ITPK1: variants seen among roughly 807,000 people sequenced by gnomAD.
ITPK1 encodes the protein inositol 1,3,4-trisphosphate 5/6-kinase.
ITPK1 carries 21 observed loss-of-function variants against 45.3 expected under a neutral mutation model. The observed-to-expected ratio is 0.46, with a 90% CI of 0.33 to 0.67. ITPK1 has a LOEUF of 0.67. ITPK1 is among the 30% of genes least tolerant of loss of function. The probability of loss-of-function intolerance (pLI) is 0.02; values close to 1 mark genes in which losing one functional copy is unlikely to be tolerated. For missense variants in ITPK1, 474 were observed against 573.5 expected, an observed-to-expected ratio of 0.83 and a Z score of 1.77; for synonymous variants, 258 against 253.6, an observed-to-expected ratio of 1.02 and a Z score of -0.16.
intron 3 of ITPK1, among the ~76,000 whole-genome samples, chr14:93,059,740 G>A (rs1482826856): frequency 9.6e-5 from 6 of 62,460 alleles, no homozygotes; most frequent in Non-Finnish European, 2.0e-4. Flanking sequence ...GGCAGGGGTG[G>A]AGGGGGTGCG....
Position 92,989,006 on chromosome 14 carries a change from C to T in ITPK1, c.364+4874G>A, listed in dbSNP as rs1025810849. Among the ~76,000 whole-genome samples, 32 of 152,058 alleles carry T rather than the reference C, an allele frequency of 2.1e-4. 1 individual carries two copies. Among genetic ancestry groups the T allele is most frequent in the African/African-American group, 7.7e-4 (32 of 41,412 alleles). On this transcript the variant is annotated intron_variant, in intron 5 of 10. Transcript: ENST00000267615. Reference sequence around the variant, plus strand: ...GTCTGAGGCCTTGACTCCAAGTCCCCACCCCTCTGCAGCTCCCCGAGGGTT... The same window carrying T: ...GTCTGAGGCCTTGACTCCAAGTCCCTACCCCTCTGCAGCTCCCCGAGGGTT...
intron 5 of ITPK1, among the ~76,000 whole-genome samples, chr14:92,973,321 G>T (rs1188117483): frequency 6.6e-6 from 1 of 152,238 alleles, no homozygotes; most frequent in African/African-American, 2.4e-5. Flanking sequence ...TAAGTGAGCC[G>T]TAAGCACTGG....
At chr14:93,024,250 CA>C (rs1372608253) in intron 3 of ITPK1, among the ~76,000 whole-genome samples, 2 of 152,192 alleles carry the variant, frequency 1.3e-5, no homozygotes, top group Non-Finnish European at 2.9e-5. Flanking sequence ...CATGGCTGGC[CA>C]GTGCTCTTCT....
At chr14:93,112,508 C>T (rs889974795) in intron 2 of ITPK1, among the ~76,000 whole-genome samples, 4 of 147,984 alleles carry the variant, frequency 2.7e-5, no homozygotes, top group Non-Finnish European at 4.4e-5. Context: ...GGCACCATCT[C>T]GACTTACTGC....
intron 3 of ITPK1, chr14:93,066,292 G>A (rs146292259): frequency 1.4e-3 from 642 of 454,628 alleles, no homozygotes; most frequent in Non-Finnish European, 2.0e-3. Context: ...GTGTGCGTGC[G>A]TGTGTGCGCG....
intron 2 of ITPK1, among the ~76,000 whole-genome samples, chr14:93,079,266 G>A (rs577227199): frequency 6.6e-6 from 1 of 152,188 alleles, no homozygotes; most frequent in Non-Finnish European, 1.5e-5. Context: ...TTCCTCTGTC[G>A]CTCAGAGCTC....
intron 5 of ITPK1, among the ~76,000 whole-genome samples, chr14:92,966,467 A>T (rs1885365314): frequency 6.6e-6 from 1 of 152,284 alleles, no homozygotes; most frequent in African/African-American, 2.4e-5. Context: ...AAATGGAAAG[A>T]CACACAAGGC....
intron 3 of ITPK1, among the ~76,000 whole-genome samples, chr14:93,019,108 T>C (rs1318861057): frequency 6.6e-6 from 1 of 152,130 alleles, no homozygotes; most frequent in Non-Finnish European, 1.5e-5. Context: ...CCAACCCATT[T>C]CCACTACAGC....
chr14:92,964,596 T>C (rs1885249625), intron 5 of ITPK1, among the ~76,000 whole-genome samples: 1 of 152,182 alleles, frequency 6.6e-6, no homozygotes. Context: ...TGCTCAGGCC[T>C]GAATTTAAAC....
At chr14:92,975,137 A>G (rs1885875712) in intron 5 of ITPK1, among the ~76,000 whole-genome samples, 1 of 152,314 alleles carries the variant, frequency 6.6e-6, no homozygotes, top group African/African-American at 2.4e-5. Context: ...ATGCTCCCCA[A>G]CGGCTCCCAT....
chr14:92,981,152 T>C (rs186128144), intron 5 of ITPK1, among the ~76,000 whole-genome samples: 283 of 152,284 alleles, frequency 1.9e-3, no homozygotes, highest in African/African-American at 6.5e-3. Context: ...TCCCAGATAA[T>C]AATGCCTGCC....
intron 3 of ITPK1, among the ~76,000 whole-genome samples, chr14:93,055,603 T>C (rs990330276): frequency 6.6e-6 from 1 of 152,160 alleles, no homozygotes; most frequent in Non-Finnish European, 1.5e-5. Context: ...GACATACAAA[T>C]GCCACCTGAA....
chr14:93,049,313 C>G (rs371528921), intron 3 of ITPK1, among the ~76,000 whole-genome samples: 1 of 152,162 alleles, frequency 6.6e-6, no homozygotes, highest in Non-Finnish European at 1.5e-5. Context: ...TGAGTGCCTG[C>G]GAGGAGCCCA....
rs1193105259 is a variant in ITPK1 at position 93,076,520 on chromosome 14, G to C, written c.120+75C>G. 3 of 1,510,352 alleles carry C rather than the reference G, an allele frequency of 2.0e-6. No homozygotes were observed. The highest frequency in any genetic ancestry group is 2.8e-6 in the Non-Finnish European group (3 of 1,087,358). The allele number at this position is 1,510,352 out of a possible 1,614,324, so 93.6% of individuals were successfully genotyped here. A position where few individuals can be genotyped will look rare whatever the true frequency, so the allele number is the denominator to read the frequency against. On this transcript the variant is annotated intron_variant, in intron 3 of 10. Coordinates refer to ENST00000267615, the MANE Select transcript of ITPK1 (RefSeq NM_014216.6). This position sits in a 1 kb window ranked among gnomAD's most constrained non-coding sequence, Gnocchi z 4.3. ...GAAAGCCGTGCCCAATGCTGGAGGAGAGAAGGAGAGACAGAGAGGTGGGCA... is the reference window on the plus strand; with the variant it reads ...GAAAGCCGTGCCCAATGCTGGAGGACAGAAGGAGAGACAGAGAGGTGGGCA...
chr14:93,109,716 C>T (rs769738931), intron 2 of ITPK1, among the ~76,000 whole-genome samples: 1 of 152,326 alleles, frequency 6.6e-6, no homozygotes, highest in South Asian at 2.1e-4. Context: ...AACAGAACCC[C>T]GCTGTGATGC....
intron 2 of ITPK1, among the ~76,000 whole-genome samples, chr14:93,084,341 G>T (rs79781370): frequency 0.011 from 1,703 of 152,334 alleles, 19 homozygotes; most frequent in South Asian, 0.019. Flanking sequence ...AGAGCTTTTT[G>T]ATTGTCACAC....
At chr14:92,998,053 C>T (rs1887149963) in intron 4 of ITPK1, among the ~76,000 whole-genome samples, 1 of 152,222 alleles carries the variant, frequency 6.6e-6, no homozygotes, top group Admixed American at 6.5e-5. Flanking sequence ...ATGGAAAATG[C>T]TGTCAGAGTC....
intron 4 of ITPK1, among the ~76,000 whole-genome samples, chr14:92,999,097 G>T (rs967675477): frequency 6.6e-6 from 1 of 152,234 alleles, no homozygotes; most frequent in Non-Finnish European, 1.5e-5. Context: ...ATGGAAACTG[G>T]AAACCTCTGT....
intron 8 of ITPK1, among the ~76,000 whole-genome samples, chr14:92,954,083 C>T (rs970239282): frequency 2.0e-5 from 3 of 152,062 alleles, no homozygotes; most frequent in South Asian, 2.1e-4. Context: ...TCAGTAGAGA[C>T]GGGGTTTTGC....
Sources: allele counts gnomAD v4.1 joint callset (sites outside exome capture counted in the v4.1 genomes callset), GRCh38; gene constraint gnomAD v4.1.1; non-coding constraint Gnocchi (gnomAD v3.1); transcripts MANE v1.5; gene names NCBI Gene and HGNC (gene_info 2026-07-23, HGNC 2026-07-21).